MBNL2: variants seen among roughly 807,000 people sequenced by gnomAD.
MBNL2 encodes the protein muscleblind like splicing regulator 2.
MBNL2 carries 17 observed loss-of-function variants against 41.9 expected under a neutral mutation model. The ratio of observed to expected loss-of-function variants is 0.41; its 90% CI spans 0.28 to 0.61. The LOEUF (loss-of-function observed/expected upper bound fraction) is 0.61, where lower values mean the gene tolerates loss of function less well. Ranked by LOEUF, MBNL2 falls within the 20% of genes least tolerant of loss-of-function variation. The pLI, the probability that MBNL2 is intolerant of heterozygous loss-of-function variation, is 0.35. For missense variants in MBNL2, 336 were observed against 505.6 expected (o/e 0.66, Z 3.22); for synonymous variants, 195 against 182.9 (o/e 1.07, Z -0.53).
chr13:97,167,641 C>A, the MBNL2 span, among the ~76,000 whole-genome samples: 2 of 152,076 alleles, frequency 1.3e-5, no homozygotes, highest in South Asian at 2.1e-4. Context: ...TAGCTAATTA[C>A]CAATCTAATT....
chr13:97,275,130 C>T (rs2051924394), intron 1 of MBNL2, among the ~76,000 whole-genome samples: 1 of 152,094 alleles, frequency 6.6e-6, no homozygotes, highest in Non-Finnish European at 1.5e-5. Flanking sequence ...GAAAAAATAT[C>T]AAGAGGATCC....
chr13:97,315,325 C>T (rs1176557912), intron 2 of MBNL2, among the ~76,000 whole-genome samples: 5 of 152,222 alleles, frequency 3.3e-5, no homozygotes, highest in African/African-American at 1.2e-4. Flanking sequence ...AAATCTGTGT[C>T]TTCCAAAAAT....
chr13:97,340,931 A>G (rs1181856818), intron 3 of MBNL2, among the ~76,000 whole-genome samples: 2 of 152,196 alleles, frequency 1.3e-5, no homozygotes, highest in East Asian at 3.8e-4. Context: ...AATCCTATCG[A>G]CAAAGCAAAG....
chr13:97,345,043 A>G (rs191827819), intron 4 of MBNL2, among the ~76,000 whole-genome samples: 2 of 139,732 alleles, frequency 1.4e-5, no homozygotes, highest in Admixed American at 7.3e-5. Context: ...TATTTTGCGC[A>G]TTTTATGAAC....
At position 97,259,764 on chromosome 13, in the gene MBNL2, C is replaced by T. The variant is rs183017043; in HGVS notation, c.-604-15868C>T. 3.6e-3 allele frequency among the ~76,000 whole-genome samples: 552 copies of T among 152,250 alleles called. 4 individuals carry two copies. The highest frequency in any genetic ancestry group is 0.014 in the Middle Eastern group (4 of 294). On this transcript the variant is annotated intron_variant, in intron 1 of 8. Coordinates refer to ENST00000679496, the MANE Select transcript of MBNL2 (RefSeq NM_001382683.1). ...GTTTTAAAGCTAAGAAACTGGAGTC[C>T]TAGCGTGCTGAAATAATAGCAACAA...
chr13:97,323,521 A>G (rs1262150894), intron 2 of MBNL2, among the ~76,000 whole-genome samples: 1 of 152,240 alleles, frequency 6.6e-6, no homozygotes. Context: ...ATTAGGTGTT[A>G]TAAGTAATCT....
At chr13:97,165,026 A>G in the MBNL2 span, among the ~76,000 whole-genome samples, 2 of 152,204 alleles carry the variant, frequency 1.3e-5, no homozygotes, top group Non-Finnish European at 2.9e-5. Flanking sequence ...CAACGTGGCA[A>G]AAACCGATCT....
At chr13:97,322,466 A>C (rs1471104223) in intron 2 of MBNL2, among the ~76,000 whole-genome samples, 1 of 152,230 alleles carries the variant, frequency 6.6e-6, no homozygotes, top group Non-Finnish European at 1.5e-5. Context: ...GGGTTACATC[A>C]GAAAAACCCA....
At chr13:97,279,242 CCAGGG>C (rs2052837069) in intron 2 of MBNL2, among the ~76,000 whole-genome samples, 1 of 152,162 alleles carries the variant, frequency 6.6e-6, no homozygotes, top group Admixed American at 6.5e-5. Flanking sequence ...ATCAGAAGGA[CCAGGG>C]CTTGACTAAG....
At chr13:97,390,792 C>T (rs1272112936) in intron 8 of MBNL2, among the ~76,000 whole-genome samples, 1 of 151,922 alleles carries the variant, frequency 6.6e-6, no homozygotes, top group Admixed American at 6.6e-5. Context: ...AACTGGTTGT[C>T]GTTATGTGTT....
At position 97,392,717 on chromosome 13, in the gene MBNL2, G is replaced by T. The variant is rs1267021978; in HGVS notation, c.*1268G>T. 2 of 152,150 alleles carry T rather than the reference G, an allele frequency of 1.3e-5. No individual in the cohort carries two copies. Among genetic ancestry groups the T allele is most frequent in the Non-Finnish European group, 2.9e-5 (2 of 67,870 alleles). The allele number at this position is 152,150 out of a possible 1,614,324, so 9.4% of individuals were successfully genotyped here. ...TTTAAAGTTTATTTTAAGCACTATC[G>T]TACCAAATATTTCATATTTCACATT... On this transcript the variant is annotated 3_prime_UTR_variant, in exon 9 of 9. Coordinates refer to ENST00000679496, the MANE Select transcript of MBNL2 (RefSeq NM_001382683.1).
rs1005482472 is a variant in MBNL2, at chr13:97,274,605, G to T, written c.-604-1027G>T. ...CCAGTCTTCATTAAGTTCTTCTTAGGTATAAATTTTTTAGAAAGACATCAA... is the reference window on the plus strand; with the variant it reads ...CCAGTCTTCATTAAGTTCTTCTTAGTTATAAATTTTTTAGAAAGACATCAA... On this transcript the variant is annotated intron_variant, in intron 1 of 8. Coordinates refer to ENST00000679496, the MANE Select transcript of MBNL2 (RefSeq NM_001382683.1). 5.3e-5 allele frequency among the ~76,000 whole-genome samples: 8 copies of T among 152,194 alleles called. 1 individual carries two copies. Among genetic ancestry groups the T allele is most frequent in the African/African-American group, 7.2e-5 (3 of 41,520 alleles).
intron 2 of MBNL2, among the ~76,000 whole-genome samples, chr13:97,290,648 AGTCTG>A (rs2055710141): frequency 1.1e-4 from 17 of 148,618 alleles, no homozygotes; most frequent in Non-Finnish European, 2.2e-4. Context: ...TGCAGTCCGC[AGTCTG>A]GCCTGGGCGA....
intron 1 of MBNL2, among the ~76,000 whole-genome samples, chr13:97,272,367 G>A (rs1399928817): frequency 6.6e-6 from 1 of 152,058 alleles, no homozygotes; most frequent in African/African-American, 2.4e-5. Flanking sequence ...TGTCAAATGG[G>A]TGGGTTGCAA....
At chr13:97,383,084 T>C (rs560338532) in intron 8 of MBNL2, among the ~76,000 whole-genome samples, 7 of 152,294 alleles carry the variant, frequency 4.6e-5, no homozygotes, top group Admixed American at 1.3e-4. Context: ...TTATATCATA[T>C]AGGAGAAGAA....
chr13:97,196,309 T>C, the MBNL2 span, among the ~76,000 whole-genome samples: 9 of 152,178 alleles, frequency 5.9e-5, no homozygotes, highest in Non-Finnish European at 1.2e-4. Context: ...CTGGAAGGTA[T>C]TCTAGGGATT....
chr13:97,322,597 C>T (rs149726907), intron 2 of MBNL2, among the ~76,000 whole-genome samples: 4 of 152,228 alleles, frequency 2.6e-5, no homozygotes, highest in African/African-American at 9.6e-5. Context: ...AATCCAAAAC[C>T]GCCTAAGAGG....
intron 5 of MBNL2, among the ~76,000 whole-genome samples, chr13:97,350,123 C>T (rs140988259): frequency 2.6e-5 from 4 of 152,286 alleles, no homozygotes; most frequent in African/African-American, 9.6e-5. Context: ...GCGAGTATCA[C>T]AATAGAACAA....
intron 1 of MBNL2, among the ~76,000 whole-genome samples, chr13:97,271,615 T>G (rs1247068426): frequency 6.6e-6 from 1 of 152,134 alleles, no homozygotes; most frequent in Non-Finnish European, 1.5e-5. Flanking sequence ...TCGTATGTGA[T>G]GTTCCCCTCT....
Sources: gnomAD v4.1 joint callset for allele counts (sites outside exome capture counted in the v4.1 genomes callset) on GRCh38, gnomAD v4.1.1 for gene constraint, MANE v1.5 for transcripts, NCBI Gene and HGNC (gene_info 2026-07-23, HGNC 2026-07-21) for gene names.